NOS1AP: variants seen among roughly 807,000 people sequenced by gnomAD.
The protein encoded by NOS1AP is carboxyl-terminal PDZ ligand of neuronal nitric oxide synthase protein.
Under a neutral mutation model 56.2 loss-of-function variants are expected in NOS1AP, and 21 were observed. The observed-to-expected ratio is 0.37, with a 90% CI of 0.26 to 0.54. The LOEUF (loss-of-function observed/expected upper bound fraction) is 0.54, where lower values mean the gene tolerates loss of function less well. Among genes scored for constraint, NOS1AP ranks in the 20% least tolerant of loss-of-function variants. The probability of loss-of-function intolerance (pLI) is 0.84; values close to 1 mark genes in which losing one functional copy is unlikely to be tolerated. For missense variants in NOS1AP, 522 were observed against 657.8 expected, an observed-to-expected ratio of 0.79 and a Z score of 2.26; for synonymous variants, 270 against 274.6, an observed-to-expected ratio of 0.98 and a Z score of 0.17.
At position 162,287,341 on chromosome 1, in the gene NOS1AP, C is replaced by T. The variant is rs375625801; in HGVS notation, c.178-3C>T. ...TTTCTTTTTGTTTTCTTCTTTCTTG[C>T]AGTATGAGTTTAAAGCCAAGAACAT... On this transcript the variant is annotated splice_polypyrimidine_tract_variant and splice_region_variant and intron_variant, in intron 2 of 9. Transcript: ENST00000361897. The T allele has an allele frequency of 1.9e-6, 3 of 1,598,926 alleles. No homozygotes were observed. The highest frequency in any genetic ancestry group is 2.2e-5 in the South Asian group (2 of 90,750).
chr1:162,290,296 G>A (rs1224149096), intron 3 of NOS1AP, among the ~76,000 whole-genome samples: 1 of 152,208 alleles, frequency 6.6e-6, no homozygotes, highest in Non-Finnish European at 1.5e-5. Flanking sequence ...GGCCGTGGCT[G>A]TGATTTGAAT....
chr1:162,077,558 G>C (rs1246648648), intron 1 of NOS1AP, among the ~76,000 whole-genome samples: 1 of 151,922 alleles, frequency 6.6e-6, no homozygotes, highest in Non-Finnish European at 1.5e-5. Context: ...CACTTTCTTG[G>C]TATTGTCCTT....
At chr1:162,128,179 T>C (rs1648573173) in intron 1 of NOS1AP, among the ~76,000 whole-genome samples, 1 of 152,128 alleles carries the variant, frequency 6.6e-6, no homozygotes, top group Non-Finnish European at 1.5e-5. Context: ...TCATTTGATA[T>C]TTATCCTAAT....
intron 2 of NOS1AP, among the ~76,000 whole-genome samples, chr1:162,256,134 ACT>A (rs1197473012): frequency 6.6e-6 from 1 of 151,842 alleles, no homozygotes; most frequent in East Asian, 1.9e-4. Context: ...ACAGAGTGAG[ACT>A]CTGTCTCAAG....
intron 2 of NOS1AP, among the ~76,000 whole-genome samples, chr1:162,281,417 AT>A: frequency 6.6e-6 from 1 of 152,292 alleles, no homozygotes; most frequent in Non-Finnish European, 1.5e-5. Context: ...TATCAGTCAT[AT>A]TTCTTGCTCT....
chr1:162,256,493 T>A (rs1048265808), intron 2 of NOS1AP, among the ~76,000 whole-genome samples: 3 of 152,212 alleles, frequency 2.0e-5, no homozygotes, highest in Admixed American at 2.0e-4. Flanking sequence ...TACTGTCTCC[T>A]TTCAGACTGC....
chr1:162,072,444 A>G (rs182942030), intron 1 of NOS1AP, among the ~76,000 whole-genome samples: 10 of 152,284 alleles, frequency 6.6e-5, no homozygotes, highest in Admixed American at 3.9e-4. Flanking sequence ...TGTAGTTCCT[A>G]TAGTAACTTC....
chr1:162,359,103 G>A (rs1214004926), intron 8 of NOS1AP, among the ~76,000 whole-genome samples: 1 of 152,156 alleles, frequency 6.6e-6, no homozygotes, highest in Non-Finnish European at 1.5e-5. Flanking sequence ...CTAGGGGAAG[G>A]AAAGGGTGTG....
intron 2 of NOS1AP, among the ~76,000 whole-genome samples, chr1:162,202,723 G>A (rs1232515729): frequency 3.3e-5 from 5 of 152,118 alleles, no homozygotes; most frequent in Admixed American, 6.5e-5. Flanking sequence ...AGATATATAT[G>A]TATATATAGT....
In NOS1AP at chr1:162,102,639, C is replaced by A. The variant is rs12406484; in HGVS notation, c.105+32357C>A. ...CTCCTTTTTAGTCTATTCAGGGATT[C>A]AGTTTCTTCCTGGTTCAGTCTTGGG... On this transcript the variant is annotated intron_variant, in intron 1 of 9. Coordinates refer to ENST00000361897, the MANE Select transcript of NOS1AP (RefSeq NM_014697.3). 2.0e-5 allele frequency among the ~76,000 whole-genome samples: 3 copies of A among 151,924 alleles called. No individual in the cohort carries two copies. The East Asian group carries it at 5.8e-4, about 29-fold the overall frequency.
chr1:162,218,323 T>C (rs1319749713), intron 2 of NOS1AP, among the ~76,000 whole-genome samples: 1 of 152,226 alleles, frequency 6.6e-6, no homozygotes, highest in Non-Finnish European at 1.5e-5. Context: ...TCTCTCCATA[T>C]GTGAAAGTGG....
chr1:162,331,060 G>A (rs758378989), intron 4 of NOS1AP, among the ~76,000 whole-genome samples: 7 of 152,172 alleles, frequency 4.6e-5, no homozygotes, highest in Non-Finnish European at 8.8e-5. Flanking sequence ...AACCATTCAG[G>A]AGGAGATGTC....
Position 162,346,216 on chromosome 1 carries a change from G to A in NOS1AP, c.595+2240G>A, listed in dbSNP as rs571996910. On this transcript the variant is annotated intron_variant, in intron 6 of 9. Coordinates refer to ENST00000361897, the MANE Select transcript of NOS1AP (RefSeq NM_014697.3). ...ATCCTAAAGGTAAACCCATAAAGGT[G>A]TGAAATGATTTCTATATAAGGTTAC... Among the ~76,000 whole-genome samples, 4 of 152,318 alleles carry A rather than the reference G, an allele frequency of 2.6e-5. No homozygotes were observed. In the East Asian group the frequency reaches 5.8e-4, roughly 22 times the overall value.
chr1:162,177,907 G>A (rs1253355315), intron 2 of NOS1AP, among the ~76,000 whole-genome samples: 1 of 152,066 alleles, frequency 6.6e-6, no homozygotes, highest in East Asian at 1.9e-4. Flanking sequence ...GCATTCTGTG[G>A]GTTTGGACGA....
chr1:162,344,642 C>T (rs1657218397), intron 6 of NOS1AP, among the ~76,000 whole-genome samples: 1 of 150,144 alleles, frequency 6.7e-6, no homozygotes, highest in Non-Finnish European at 1.5e-5. Flanking sequence ...ACTCAGGAGG[C>T]GGAAGTTGCA....
chr1:162,092,963 T>C lies in NOS1AP; in HGVS notation c.105+22681T>C, dbSNP rs1692166812. 2.0e-5 allele frequency among the ~76,000 whole-genome samples: 3 copies of C among 152,236 alleles called. No individual in the cohort carries two copies. In the South Asian group the frequency reaches 6.2e-4, roughly 32 times the overall value. ...CCTCCTTTACTCCTATCCTCTATTT[T>C]CTTTTGCAGTTTATCTAACACTTTA... On this transcript the variant is annotated intron_variant, in intron 1 of 9. Coordinates refer to ENST00000361897, the MANE Select transcript of NOS1AP (RefSeq NM_014697.3).
At chr1:162,154,734 A>G (rs1008017928) in intron 2 of NOS1AP, among the ~76,000 whole-genome samples, 1 of 152,176 alleles carries the variant, frequency 6.6e-6, no homozygotes, top group Non-Finnish European at 1.5e-5. Flanking sequence ...ACTGAGATAC[A>G]TGTTACCTTG....
chr1:162,195,763 A>T (rs1266325282), intron 2 of NOS1AP, among the ~76,000 whole-genome samples: 2 of 151,998 alleles, frequency 1.3e-5, no homozygotes, highest in African/African-American at 4.8e-5. Context: ...CGCATACCCT[A>T]ATCACTCCAG....
intron 2 of NOS1AP, among the ~76,000 whole-genome samples, chr1:162,244,180 G>A (rs1481664028): frequency 1.3e-5 from 2 of 152,168 alleles, no homozygotes; most frequent in African/African-American, 4.8e-5. Context: ...GATCCAGACT[G>A]GTGGGGCAGG....
Sources: gnomAD v4.1 joint callset for allele counts (sites outside exome capture counted in the v4.1 genomes callset) on GRCh38, gnomAD v4.1.1 for gene constraint, MANE v1.5 for transcripts, NCBI Gene and HGNC (gene_info 2026-07-23, HGNC 2026-07-21) for gene names.